Variants in SH3KBP1 observed in about 807,000 individuals in gnomAD.
SH3KBP1 encodes SH3 domain-containing kinase-binding protein 1.
SH3KBP1 carries 8 observed loss-of-function variants against 50.1 expected under a neutral mutation model. The ratio of observed to expected loss-of-function variants is 0.16; its 90% CI spans 0.09 to 0.29. The LOEUF (loss-of-function observed/expected upper bound fraction) is 0.29, where lower values mean the gene tolerates loss of function less well. Among genes scored for constraint, SH3KBP1 ranks in the 10% least tolerant of loss-of-function variants. The pLI is 1.00. For synonymous variants in SH3KBP1, 227 were observed against 218.6 expected (o/e 1.04, Z -0.34); for missense variants, 377 against 535.2 (o/e 0.70, Z 2.92).
rs116307046 is a variant in SH3KBP1 at position 19,828,262 on chromosome X, G to T, written c.162+7863C>A. 4.1e-3 allele frequency among the ~76,000 whole-genome samples: 428 copies of T among 103,697 alleles called. 2 individuals are homozygous for T. The highest frequency in any genetic ancestry group is 0.014 in the African/African-American group (411 of 28,678). The allele number at this position is 103,697 out of a possible 115,157, so 90.0% of individuals were successfully genotyped here. On this transcript the variant is annotated intron_variant, in intron 2 of 17. Coordinates refer to ENST00000397821, the MANE Select transcript of SH3KBP1 (RefSeq NM_031892.3). ...TTTGAACATTCCTTTTTCCACTGAG[G>T]TTTTTTTTTTTTCCACTGAGTTCCT...
intron 7 of SH3KBP1, 117 bp from the exon 8 acceptor site, chrX:19,632,075 T>C: frequency 5.1e-6 from 2 of 395,844 alleles, no homozygotes; most frequent in Non-Finnish European, 8.4e-6. Flanking sequence ...AGGTAGCATA[T>C]TACTGCTGCA....
chrX:19,729,054 G>T lies in SH3KBP1; in HGVS notation c.286+17264C>A, dbSNP rs148315644. Among the ~76,000 whole-genome samples the T allele has an allele frequency of 4.5e-3, 506 of 112,425 alleles. 4 individuals are homozygous for T. Among genetic ancestry groups the T allele is most frequent in the African/African-American group, 0.016 (488 of 30,951 alleles). On this transcript the variant is annotated intron_variant, in intron 3 of 17. Transcript: ENST00000397821. ...AATCATCCTGGGCAGAAGTCATGGG[G>T]AGATAAAGGCACAGAAATGCTTTTC... is the stretch of plus-strand genomic sequence containing the variant.
intron 4 of SH3KBP1, among the ~76,000 whole-genome samples, chrX:19,697,456 G>A (rs906211767): frequency 1.8e-5 from 2 of 111,790 alleles, no homozygotes; most frequent in African/African-American, 3.3e-5. Flanking sequence ...CACAGTTGTC[G>A]TCTTTAGGGC....
chrX:19,746,663 C>A (rs925599532), intron 2 of SH3KBP1, among the ~76,000 whole-genome samples: 9 of 111,727 alleles, frequency 8.1e-5, no homozygotes, highest in Non-Finnish European at 1.7e-4. Flanking sequence ...TATGGTGAGG[C>A]GACCTTATGT....
intron 2 of SH3KBP1, among the ~76,000 whole-genome samples, chrX:19,812,707 G>T (rs1358514833): frequency 9.2e-6 from 1 of 108,966 alleles, no homozygotes; most frequent in African/African-American, 3.4e-5. Context: ...GGGCATGGTG[G>T]CTCATACCTG....
intron 8 of SH3KBP1, among the ~76,000 whole-genome samples, chrX:19,625,462 C>T (rs1383628057): frequency 9.0e-6 from 1 of 110,764 alleles, no homozygotes; most frequent in Non-Finnish European, 1.9e-5. Flanking sequence ...AGGCCTCAGG[C>T]ACAAAAAGAA....
At chrX:19,757,116 C>T (rs1436530635) in intron 2 of SH3KBP1, among the ~76,000 whole-genome samples, 1 of 99,283 alleles carries the variant, frequency 1.0e-5, no homozygotes, top group African/African-American at 3.7e-5. Flanking sequence ...AATATGTTTA[C>T]TATTTCCTGA....
intron 12 of SH3KBP1, among the ~76,000 whole-genome samples, chrX:19,585,244 G>A (rs2066526805): frequency 9.0e-6 from 1 of 111,401 alleles, no homozygotes; most frequent in African/African-American, 3.3e-5. Context: ...CTAAATGTAC[G>A]GAGGCTGGGA....
At chrX:19,686,819 A>G (rs751130926) in intron 5 of SH3KBP1, among the ~76,000 whole-genome samples, 32 of 111,721 alleles carry the variant, frequency 2.9e-4, no homozygotes, top group Admixed American at 2.8e-3. Flanking sequence ...ACAAAGGTGG[A>G]TGCTTTTCCT....
rs764907208 is a variant in SH3KBP1, at chrX:19,599,496, C to T, written c.1006-4496G>A. ...AAGTGTGAAGTTTTGTTCGGAAACCCGGCAGTTGCAGAGGCAGTTGGGAGC... is the reference window on the plus strand; with the variant it reads ...AAGTGTGAAGTTTTGTTCGGAAACCTGGCAGTTGCAGAGGCAGTTGGGAGC... On this transcript the variant is annotated intron_variant, in intron 9 of 17. Transcript: ENST00000397821. Among the ~76,000 whole-genome samples, 13 of 112,047 alleles carry T rather than the reference C, an allele frequency of 1.2e-4. No homozygotes were observed. In the South Asian group the frequency reaches 1.5e-3, roughly 13 times the overall value.
chrX:19,670,567 G>A, intron 6 of SH3KBP1, among the ~76,000 whole-genome samples: 1 of 111,600 alleles, frequency 9.0e-6, no homozygotes, highest in Non-Finnish European at 1.9e-5. Context: ...GACACAGAGA[G>A]ATTGGAAACA....
chrX:19,760,041 C>CCTCT (rs745515349), intron 2 of SH3KBP1, among the ~76,000 whole-genome samples: 3,401 of 50,310 alleles, frequency 0.068, 171 homozygotes, highest in South Asian at 0.08. Context: ...TCTCTCTCTC[C>CCTCT]CTCTCTCTCT....
At chrX:19,562,639 AT>A (rs1169973819) in intron 13 of SH3KBP1, among the ~76,000 whole-genome samples, 1 of 111,586 alleles carries the variant, frequency 9.0e-6, no homozygotes, top group Non-Finnish European at 1.9e-5. Flanking sequence ...ATCAGACTGA[AT>A]GATGAACGAG....
intron 3 of SH3KBP1, among the ~76,000 whole-genome samples, chrX:19,708,683 C>T (rs189838567): frequency 8.9e-6 from 1 of 112,054 alleles, no homozygotes; most frequent in African/African-American, 3.3e-5. Context: ...ACAAGGCAAT[C>T]TTGGCATCCC....
intron 2 of SH3KBP1, among the ~76,000 whole-genome samples, chrX:19,770,047 T>C (rs569174747): frequency 1.8e-5 from 2 of 112,239 alleles, no homozygotes; most frequent in South Asian, 7.4e-4. Flanking sequence ...GAACCATATA[T>C]GGCCAACAGA....
chrX:19,588,901 G>T, intron 11 of SH3KBP1, 99 bp from the exon 12 acceptor site: 1 of 714,522 alleles, frequency 1.4e-6, no homozygotes, highest in Non-Finnish European at 2.0e-6. Flanking sequence ...AAAAATTACT[G>T]ATGCTATTTC....
At chrX:19,705,512 G>A (rs1382153361) in intron 4 of SH3KBP1, among the ~76,000 whole-genome samples, 2 of 111,025 alleles carry the variant, frequency 1.8e-5, no homozygotes, top group Non-Finnish European at 3.8e-5. Context: ...TTCAATAAAT[G>A]TCTCCTATGT....
intron 12 of SH3KBP1, among the ~76,000 whole-genome samples, chrX:19,574,097 T>C (rs1471361579): frequency 9.0e-6 from 1 of 111,640 alleles, no homozygotes; most frequent in Non-Finnish European, 1.9e-5. Context: ...CCAAATTTCA[T>C]GTCTCTGGCC....
chrX:19,648,661 G>T (rs2148416310), intron 6 of SH3KBP1, among the ~76,000 whole-genome samples: 1 of 110,616 alleles, frequency 9.0e-6, no homozygotes, highest in South Asian at 3.9e-4. Context: ...TTTAGGTGAG[G>T]TGTTTCTTCA....
Sources: gnomAD v4.1 joint callset for allele counts (sites outside exome capture counted in the v4.1 genomes callset) on GRCh38, gnomAD v4.1.1 for gene constraint, MANE v1.5 for transcripts, NCBI Gene and HGNC (gene_info 2026-07-23, HGNC 2026-07-21) for gene names.